MICALL1: variants seen among roughly 807,000 people sequenced by gnomAD.
MICALL1 encodes the protein MICAL like 1, also known as MICAL-like protein 1.
MICALL1 carries 61 observed loss-of-function variants against 83.7 expected under a neutral mutation model. The ratio of observed to expected loss-of-function variants is 0.73; its 90% CI spans 0.59 to 0.90. The LOEUF is 0.90. Ranked by LOEUF, MICALL1 falls within the 40% of genes least tolerant of loss-of-function variation. The probability of loss-of-function intolerance (pLI) is 0.00; values close to 1 mark genes in which losing one functional copy is unlikely to be tolerated. For synonymous variants in MICALL1, 481 were observed against 473.6 expected (o/e 1.02, Z -0.20); for missense variants, 1,066 against 1,152.0 (o/e 0.93, Z 1.08).
At chr22:37,918,992 T>G (rs1320171801) in intron 4 of MICALL1, 44 bp from the exon 5 acceptor site, 1 of 1,510,062 alleles carries the variant, frequency 6.6e-7, no homozygotes, top group Non-Finnish European at 8.9e-7. Context: ...GGATGGCTGG[T>G]GACCATGTCC....
rs144278500 is a variant in MICALL1 at position 37,932,669 on chromosome 22, C to T, written c.2133C>T (p.Gly711=). 2,727 of 1,613,798 alleles carry T rather than the reference C, an allele frequency of 1.7e-3. 51 individuals carry two copies. In the South Asian group the frequency reaches 0.023, roughly 14 times the overall value. Reference sequence around the variant, plus strand: ...TGCTGCTGGAGGAGAAGCTGCGTGGCGGCCTGAATGGTGCGGGAGCGGCTG... The same window carrying T: ...TGCTGCTGGAGGAGAAGCTGCGTGGTGGCCTGAATGGTGCGGGAGCGGCTG... The part of the protein sequence containing the change: ...RGVLLEEKLR[G]GLNEGREDDM... The change falls in exon 11 of 16, where the codon GGC becomes GGT. Residue 711 remains glycine (G), a synonymous_variant. Transcript: ENST00000215957. This position sits in a 1 kb window ranked among gnomAD's most constrained non-coding sequence, Gnocchi z 4.4.
chr22:37,931,791 C>T lies in MICALL1; in HGVS notation c.1882-8C>T, dbSNP rs1929800262. 6.2e-7 allele frequency: 1 copy of T among 1,614,026 alleles called. No individual in the cohort carries two copies. Among genetic ancestry groups the T allele is most frequent in the Admixed American group, 1.7e-5 (1 of 59,994 alleles). ...GGCTCACCCTCTGTCATGTCTCCTT[C>T]CCTTTAGTCCTCCTGCAAGGAGAAT... On this transcript the variant is annotated splice_polypyrimidine_tract_variant and splice_region_variant and intron_variant, in intron 9 of 15. Coordinates refer to ENST00000215957, the MANE Select transcript of MICALL1 (RefSeq NM_033386.4).
intron 1 of MICALL1, among the ~76,000 whole-genome samples, chr22:37,911,709 G>T (rs1317463311): frequency 6.6e-6 from 1 of 152,100 alleles, no homozygotes; most frequent in Non-Finnish European, 1.5e-5. Flanking sequence ...CCTCTGCTTG[G>T]ATGCCTCCAG....
intron 14 of MICALL1, 31 bp from the exon 15 acceptor site, chr22:37,937,715 C>A (rs768228158): frequency 1.2e-6 from 2 of 1,610,476 alleles, no homozygotes; most frequent in Non-Finnish European, 8.5e-7. Flanking sequence ...TGAGCCACCA[C>A]GCCCAGCTTA....
chr22:37,924,527 C>T lies in MICALL1; in HGVS notation c.1025-133C>T. On this transcript the variant is annotated intron_variant, in intron 6 of 15. Transcript: ENST00000215957. The surrounding 1 kb of genome is among the most constrained non-coding windows in gnomAD (Gnocchi z 5.2). ...TGGGTGCTTATCTAATCTCCATGGGCTGGCCTGGGGAGGTGCGAGGGTGCC... is the reference window on the plus strand; with the variant it reads ...TGGGTGCTTATCTAATCTCCATGGGTTGGCCTGGGGAGGTGCGAGGGTGCC... 1.3e-6 allele frequency: 1 copy of T among 776,890 alleles called. No individual in the cohort carries two copies. Among genetic ancestry groups the T allele is most frequent in the South Asian group, 1.8e-5 (1 of 55,274 alleles). 48.1% of individuals were successfully genotyped at this position (776,890 alleles called of 1,614,324 possible).
Position 37,919,123 on chromosome 22 carries a change from CACT to C in MICALL1, c.515_517del (p.His172del). ...GTGCGCAGCCTGCCAGCAGCATGTG[CACT>C]TGGTGCAGCGCTACCTGGCTGACGG... On this transcript the variant is annotated inframe_deletion, in exon 5 of 16. Coordinates refer to ENST00000215957, the MANE Select transcript of MICALL1 (RefSeq NM_033386.4). 6.4e-7 allele frequency: 1 copy of C among 1,551,582 alleles called. No individual in the cohort carries two copies. Among genetic ancestry groups the C allele is most frequent in the Non-Finnish European group, 8.7e-7 (1 of 1,147,430 alleles).
rs558188557 is a variant in MICALL1, at chr22:37,910,751, G to GT, written c.147-1201_147-1200insT. On this transcript the variant is annotated intron_variant, in intron 1 of 15. Transcript: ENST00000215957. ...AAAAGTGTTGGGGGCAGGAGGAGGG[G>GT]GCTGTGCTTACCTGGCTCCCTCATA... Among the ~76,000 whole-genome samples the GT allele has an allele frequency of 2.8e-3, 432 of 152,350 alleles. 3 individuals are homozygous for GT. Among genetic ancestry groups the GT allele is most frequent in the Non-Finnish European group, 4.6e-3 (313 of 68,036 alleles).
rs1323138084 is a variant in MICALL1 at position 37,916,714 on chromosome 22, A to G, written c.338-993A>G. ...GGAGCTGCAGCCTGCTCAGGGAGCC[A>G]GGGCAGGAGTGAAGGAAGCCGAGTG... On this transcript the variant is annotated intron_variant, in intron 3 of 15. Coordinates refer to ENST00000215957, the MANE Select transcript of MICALL1 (RefSeq NM_033386.4). Among the ~76,000 whole-genome samples, 4 of 152,294 alleles carry G rather than the reference A, an allele frequency of 2.6e-5. No individual in the cohort carries two copies. The South Asian group carries it at 8.3e-4, about 32-fold the overall frequency.
chr22:37,912,501 G>C lies in MICALL1; in HGVS notation c.337+9G>C. On this transcript the variant is annotated intron_variant, in intron 3 of 15. Coordinates refer to ENST00000215957, the MANE Select transcript of MICALL1 (RefSeq NM_033386.4). ...CTGCAGTCCTGGCCAAGGTGAGAGG[G>C]GGACTCAGCGTTTCACGGAGGCTGG... 6.3e-7 allele frequency: 1 copy of C among 1,590,444 alleles called. No homozygotes were observed. The highest frequency in any genetic ancestry group is 2.3e-5 in the East Asian group (1 of 44,292).
At chr22:37,920,051 C>T (rs1271132850) in intron 5 of MICALL1, among the ~76,000 whole-genome samples, 1 of 151,934 alleles carries the variant, frequency 6.6e-6, no homozygotes, top group Non-Finnish European at 1.5e-5. Flanking sequence ...TCTCAACCTC[C>T]TTGGCTCAAG....
rs1181581645 is a variant in MICALL1, at chr22:37,906,628, C to T, written c.146+60C>T. 11 of 1,132,902 alleles carry T rather than the reference C, an allele frequency of 9.7e-6. No homozygotes were observed. In the Middle Eastern group the frequency reaches 1.8e-3, roughly 190 times the overall value. 70.2% of individuals were successfully genotyped at this position (1,132,902 alleles called of 1,614,324 possible). A position where few individuals can be genotyped will look rare whatever the true frequency, so the allele number is the denominator to read the frequency against. On this transcript the variant is annotated intron_variant, in intron 1 of 15. Transcript: ENST00000215957. This position sits in a 1 kb window ranked among gnomAD's most constrained non-coding sequence, Gnocchi z 4.4. ...GGGCGGGCTGGGGCCGCGACCGCCG[C>T]CCCCCCTCAGTAACACGAAGCCCGG...
chr22:37,938,027 G>C (rs1930231875), intron 15 of MICALL1, among the ~76,000 whole-genome samples: 1 of 152,178 alleles, frequency 6.6e-6, no homozygotes, highest in African/African-American at 2.4e-5. Context: ...GATGCCTACA[G>C]AGACGACTGT....
In MICALL1 at chr22:37,925,800, G is replaced by A. The variant is rs1219978019; in HGVS notation, c.1222G>A (p.Glu408Lys). The A allele has an allele frequency of 4.3e-5, 69 of 1,613,632 alleles. No individual in the cohort carries two copies. The highest frequency in any genetic ancestry group is 5.3e-5 in the Non-Finnish European group (62 of 1,179,984). The stretch of plus-strand genomic sequence containing the variant: ...CAGGCAGGTGGAGAATGGAGGCACC[G>A]AGGAGGTGGCCCAGCCGAGCCCAAC... ...DSRQVENGGT[E>K]EVAQPSPTAS... Residue 408 changes from glutamate (E) to lysine (K), a missense_variant, in exon 8 of 16, where the codon GAG becomes AAG. Transcript: ENST00000215957.
At chr22:37,926,334 C>T (rs992066578) in intron 8 of MICALL1, among the ~76,000 whole-genome samples, 10 of 152,182 alleles carry the variant, frequency 6.6e-5, no homozygotes, top group African/African-American at 2.4e-4. Flanking sequence ...ATCTCTTCAC[C>T]CTCCCTGTCG....
rs147928524 is a variant in MICALL1 at position 37,917,750 on chromosome 22, G to A, written c.381G>A (p.Pro127=). Residue 127 remains proline, a synonymous_variant, in exon 4 of 16, where the codon CCG becomes CCA. Transcript: ENST00000215957. ...PPRKGLAPCS[P]PSVAPTPVEP... Reference sequence around the variant, plus strand: ...GAAAGGGCCTTGCACCCTGTTCCCCGCCGTCTGTAGCACCCACTCCAGTGG... The same window carrying A: ...GAAAGGGCCTTGCACCCTGTTCCCCACCGTCTGTAGCACCCACTCCAGTGG... 5.1e-5 allele frequency: 83 copies of A among 1,613,734 alleles called. No homozygotes were observed. The African/African-American group carries it at 9.2e-4, about 18-fold the overall frequency.
chr22:37,924,656 C>G lies in MICALL1; in HGVS notation c.1025-4C>G. 1 of 1,611,938 alleles carries G rather than the reference C, an allele frequency of 6.2e-7. No homozygotes were observed. Among genetic ancestry groups the G allele is most frequent in the Non-Finnish European group, 8.5e-7 (1 of 1,178,908 alleles). Reference sequence around the variant, plus strand: ...GGCCTGGCTCACTCTCCTTTCCCATCTAGGGAGACTGCACGAACTGCCTGT... The same window carrying G: ...GGCCTGGCTCACTCTCCTTTCCCATGTAGGGAGACTGCACGAACTGCCTGT... On this transcript the variant is annotated splice_region_variant and splice_polypyrimidine_tract_variant and intron_variant, in intron 6 of 15. Coordinates refer to ENST00000215957, the MANE Select transcript of MICALL1 (RefSeq NM_033386.4). This position sits in a 1 kb window ranked among gnomAD's most constrained non-coding sequence, Gnocchi z 5.2.
chr22:37,907,924 G>A (rs1249894128), intron 1 of MICALL1, among the ~76,000 whole-genome samples: 3 of 152,188 alleles, frequency 2.0e-5, no homozygotes, highest in Non-Finnish European at 4.4e-5. Flanking sequence ...GGAGGAAAAG[G>A]GCACCAGGGT....
rs772955232 is a variant in MICALL1 at position 37,925,754 on chromosome 22, G to A, written c.1176G>A (p.Pro392=). 48 of 1,612,476 alleles carry A rather than the reference G, an allele frequency of 3.0e-5. No homozygotes were observed. In the South Asian group the frequency reaches 3.2e-4, roughly 11 times the overall value. ...KPAPLPPSSS[P]GPPSQDSRQV... is the part of the protein sequence containing the mutation. ...CCCCACTTCCCCCAAGCAGCAGCCCGGGGCCACCAAGCCAGGACAGCAGGC... is the reference window on the plus strand; with the variant it reads ...CCCCACTTCCCCCAAGCAGCAGCCCAGGGCCACCAAGCCAGGACAGCAGGC... Residue 392 remains proline, a synonymous_variant, in exon 8 of 16, where the codon CCG becomes CCA. Transcript: ENST00000215957.
intron 4 of MICALL1, 98 bp downstream of exon 4, chr22:37,917,893 G>A: frequency 1.8e-6 from 2 of 1,085,184 alleles, no homozygotes; most frequent in African/African-American, 1.6e-5. Flanking sequence ...GAGGAAGTTA[G>A]CCCTGACAGT....
Sources: gnomAD v4.1 joint callset for allele counts (sites outside exome capture counted in the v4.1 genomes callset) on GRCh38, gnomAD v4.1.1 for gene constraint, Gnocchi (gnomAD v3.1) non-coding constraint, MANE v1.5 for transcripts, NCBI Gene and HGNC (gene_info 2026-07-23, HGNC 2026-07-21) for gene names.